The following PDE1C variants were observed in gnomAD, a reference collection of about 807,000 sequenced individuals.
PDE1C encodes the protein phosphodiesterase 1C, also known as dual specificity calcium/calmodulin-dependent 3',5'-cyclic nucleotide phosphodiesterase 1C.
In PDE1C, 62 loss-of-function variants were observed where a neutral mutation model predicts 93.1. The observed-to-expected ratio is 0.67, with a 90% CI of 0.54 to 0.82. The LOEUF (loss-of-function observed/expected upper bound fraction) is 0.82. Among genes scored for constraint, PDE1C ranks in the 40% least tolerant of loss-of-function variants. The pLI is 0.00. For missense variants in PDE1C, 742 were observed against 884.6 expected (o/e 0.84, Z 2.04); for synonymous variants, 325 against 310.1 (o/e 1.05, Z -0.50).
the PDE1C span, among the ~76,000 whole-genome samples, chr7:31,693,277 G>T: frequency 1.3e-5 from 2 of 152,204 alleles, no homozygotes; most frequent in Non-Finnish European, 2.9e-5. Flanking sequence ...GGGTTGAATT[G>T]TAGCCCATGA....
intron 1 of PDE1C, among the ~76,000 whole-genome samples, chr7:32,346,830 C>A (rs1274248843): frequency 6.6e-6 from 1 of 152,122 alleles, no homozygotes; most frequent in African/African-American, 2.4e-5. Context: ...AAGTCAGAGT[C>A]AAAGACTACA....
chr7:32,163,794 T>A (rs550275059), intron 3 of PDE1C, among the ~76,000 whole-genome samples: 2 of 152,108 alleles, frequency 1.3e-5, no homozygotes, highest in African/African-American at 4.8e-5. Flanking sequence ...AAAGCATCCA[T>A]AGGGCTCATA....
intron 2 of PDE1C, among the ~76,000 whole-genome samples, chr7:32,182,643 C>T (rs10260684): frequency 0.19 from 29,001 of 152,050 alleles, 2,967 homozygotes; most frequent in East Asian, 0.26. Flanking sequence ...ATTGATGGGA[C>T]GTATCTCAAA....
At chr7:32,121,079 A>G (rs2128763970) in intron 3 of PDE1C, among the ~76,000 whole-genome samples, 1 of 152,340 alleles carries the variant, frequency 6.6e-6, no homozygotes, top group Non-Finnish European at 1.5e-5. Context: ...AACTTCAAGA[A>G]GCATACACAA....
At chr7:32,206,162 C>A (rs573468316) in intron 2 of PDE1C, among the ~76,000 whole-genome samples, 1 of 152,238 alleles carries the variant, frequency 6.6e-6, no homozygotes, top group East Asian at 1.9e-4. Context: ...TACATGGTGG[C>A]TGCTGGGGAC....
chr7:32,380,093 A>G (rs1237671331), intron 1 of PDE1C, among the ~76,000 whole-genome samples: 1 of 152,184 alleles, frequency 6.6e-6, no homozygotes, highest in African/African-American at 2.4e-5. Context: ...TTCTTCCATC[A>G]GAAAGGAAAA....
intron 1 of PDE1C, among the ~76,000 whole-genome samples, chr7:32,266,032 T>C (rs1810548933): frequency 8.3e-6 from 1 of 119,878 alleles, no homozygotes; most frequent in Non-Finnish European, 1.8e-5. Context: ...CCCAGCACTT[T>C]GAGAGGCCGA....
At chr7:31,848,706 T>C (rs565601544) in intron 8 of PDE1C, among the ~76,000 whole-genome samples, 7 of 152,270 alleles carry the variant, frequency 4.6e-5, no homozygotes, top group Non-Finnish European at 7.4e-5. Flanking sequence ...TATTTTAAGA[T>C]CTTAAATTTA....
chr7:32,392,751 T>C (rs1784773310), intron 1 of PDE1C, among the ~76,000 whole-genome samples: 1 of 152,104 alleles, frequency 6.6e-6, no homozygotes, highest in Admixed American at 6.6e-5. Flanking sequence ...CCATTCTGAT[T>C]AAAAAGCACA....
At chr7:32,308,082 T>A (rs1005874976) in intron 1 of PDE1C, among the ~76,000 whole-genome samples, 1 of 152,242 alleles carries the variant, frequency 6.6e-6, no homozygotes, top group Non-Finnish European at 1.5e-5. Context: ...GGAGATTATA[T>A]CCCGCACATG....
intron 14 of PDE1C, among the ~76,000 whole-genome samples, chr7:31,818,443 G>T (rs1315534651): frequency 3.3e-5 from 5 of 152,126 alleles, no homozygotes; most frequent in Non-Finnish European, 7.4e-5. Flanking sequence ...GCTTAGCATG[G>T]TGCCTGGTGC....
chr7:31,915,259 C>T (rs1188680311), intron 2 of PDE1C, among the ~76,000 whole-genome samples: 2 of 152,170 alleles, frequency 1.3e-5, no homozygotes, highest in South Asian at 2.1e-4. Flanking sequence ...CCAATCTCTG[C>T]CTAATAGCCC....
chr7:32,235,295 A>C (rs1204836451), intron 1 of PDE1C, among the ~76,000 whole-genome samples: 1 of 152,044 alleles, frequency 6.6e-6, no homozygotes, highest in Non-Finnish European at 1.5e-5. Context: ...AAGAGGGAGA[A>C]AGTGGGGGAT....
intron 2 of PDE1C, among the ~76,000 whole-genome samples, chr7:31,959,146 AAAT>A (rs1246413970): frequency 6.6e-6 from 1 of 152,312 alleles, no homozygotes. Context: ...GTTTACAAAA[AAAT>A]ATAATTCATT....
intron 2 of PDE1C, among the ~76,000 whole-genome samples, chr7:31,963,949 T>A (rs757256581): frequency 2.6e-5 from 4 of 152,136 alleles, no homozygotes. Flanking sequence ...TTTATCTGTG[T>A]TAGGTGTTAA....
At chr7:31,893,437 T>C (rs1198089630) in intron 2 of PDE1C, 7 of 967,958 alleles carry the variant, frequency 7.2e-6, no homozygotes, top group South Asian at 4.8e-5. Flanking sequence ...TTTTGTGCTA[T>C]ATTTAATAGA....
At chr7:32,254,122 T>C (rs766283667) in intron 1 of PDE1C, among the ~76,000 whole-genome samples, 1 of 152,218 alleles carries the variant, frequency 6.6e-6, no homozygotes, top group Non-Finnish European at 1.5e-5. Context: ...GGATCTGGAC[T>C]GGGCTAGACT....
intron 1 of PDE1C, among the ~76,000 whole-genome samples, chr7:32,068,775 A>T (rs963794178): frequency 6.6e-6 from 1 of 152,218 alleles, no homozygotes; most frequent in African/African-American, 2.4e-5. Flanking sequence ...CAAGAGAAGA[A>T]GTTCCTGGGT....
intron 2 of PDE1C, among the ~76,000 whole-genome samples, chr7:32,025,633 C>T (rs56019005): frequency 0.06 from 9,108 of 152,070 alleles, 322 homozygotes; most frequent in Non-Finnish European, 0.074. Flanking sequence ...ATAAATGAGA[C>T]GAAGAGCTAG....
Sources: gnomAD v4.1 joint callset for allele counts (sites outside exome capture counted in the v4.1 genomes callset) on GRCh38, gnomAD v4.1.1 for gene constraint, MANE v1.5 for transcripts, NCBI Gene and HGNC (gene_info 2026-07-23, HGNC 2026-07-21) for gene names.